Variants in PDS5A observed in about 807,000 individuals in gnomAD.
PDS5A encodes the protein PDS5 cohesin associated factor A.
A neutral mutation model predicts 167.1 loss-of-function variants in PDS5A; 42 were observed. The ratio of observed to expected loss-of-function variants is 0.25; its 90% CI spans 0.20 to 0.33. PDS5A has a LOEUF of 0.33. PDS5A is among the 10% of genes least tolerant of loss of function. The probability of loss-of-function intolerance (pLI) is 1.00; values close to 1 mark genes in which losing one functional copy is unlikely to be tolerated. For synonymous variants in PDS5A, 553 were observed against 554.6 expected (o/e 1.00, Z 0.04); for missense variants, 1,033 against 1,605.9 (o/e 0.64, Z 6.10).
intron 17 of PDS5A, among the ~76,000 whole-genome samples, chr4:39,887,879 TAACA>T (rs1453492899): frequency 6.6e-6 from 1 of 150,616 alleles, no homozygotes; most frequent in South Asian, 2.1e-4. Context: ...AATAGCAAAA[TAACA>T]AAACAAAACA....
intron 18 of PDS5A, among the ~76,000 whole-genome samples, chr4:39,878,513 C>T (rs1402608262): frequency 2.0e-5 from 3 of 151,836 alleles, no homozygotes; most frequent in Non-Finnish European, 4.4e-5. Flanking sequence ...AGGAGAATGG[C>T]GTGAACCTGG....
chr4:39,929,362 C>T (rs1157723670), intron 2 of PDS5A, among the ~76,000 whole-genome samples: 1 of 151,708 alleles, frequency 6.6e-6, no homozygotes, highest in South Asian at 2.1e-4. Context: ...GACGGCGGGA[C>T]TAGCCTCCCA....
At chr4:39,887,527 T>C (rs1284194563) in intron 17 of PDS5A, among the ~76,000 whole-genome samples, 1 of 152,174 alleles carries the variant, frequency 6.6e-6, no homozygotes, top group Non-Finnish European at 1.5e-5. Context: ...TTTGAGGATT[T>C]TTGTATCTAT....
intron 26 of PDS5A, among the ~76,000 whole-genome samples, chr4:39,853,563 C>T (rs1718292867): frequency 6.6e-6 from 1 of 152,116 alleles, no homozygotes; most frequent in South Asian, 2.1e-4. Context: ...ATGAGACTTC[C>T]TCAACTACTT....
At chr4:39,841,494 C>T (rs11723274) in intron 31 of PDS5A, among the ~76,000 whole-genome samples, 14,892 of 151,724 alleles carry the variant, frequency 0.098, 910 homozygotes, top group Middle Eastern at 0.14. Context: ...GATACCACTA[C>T]GGGTAGGTGA....
chr4:39,896,790 A>G (rs948992177), intron 16 of PDS5A, among the ~76,000 whole-genome samples: 1 of 151,264 alleles, frequency 6.6e-6, no homozygotes, highest in African/African-American at 2.4e-5. Flanking sequence ...AAGTTTTAAA[A>G]CTTTTTTTTG....
At position 39,830,961 on chromosome 4, in the gene PDS5A, C is replaced by T. The variant is rs962992113; in HGVS notation, c.4011-5473G>A. 3.3e-5 allele frequency among the ~76,000 whole-genome samples: 5 copies of T among 152,340 alleles called. No individual in the cohort carries two copies. The South Asian group carries it at 8.3e-4, about 25-fold the overall frequency. On this transcript the variant is annotated intron_variant, in intron 32 of 32. Transcript: ENST00000303538. The stretch of plus-strand genomic sequence containing the variant: ...TGCTTTTACTTACAGTTCTGCCGGG[C>T]GCAATGGCTCACGCCTATAATCCCA...
At position 39,898,493 on chromosome 4, in the gene PDS5A, C is replaced by A; in HGVS notation, c.1666G>T (p.Val556Leu). The change falls in exon 16 of 33, where the codon GTG becomes TTG. Residue 556 changes from valine (V) to leucine (L), a missense_variant. Transcript: ENST00000303538. ...CCGAGAACCTGGTTAAATTTCTTCA[C>A]AAAATCTTGTGCTTTCCCGGGGTCA... ...LPDPGKAQDF[V>L]KKFNQVLGDD... 6.3e-7 allele frequency: 1 copy of A among 1,597,176 alleles called. No homozygotes were observed. Among genetic ancestry groups the A allele is most frequent in the African/African-American group, 1.3e-5 (1 of 74,188 alleles).
chr4:39,885,689 T>G (rs1332929161), intron 17 of PDS5A, among the ~76,000 whole-genome samples: 1 of 151,618 alleles, frequency 6.6e-6, no homozygotes, highest in Non-Finnish European at 1.5e-5. Flanking sequence ...CCGAAGTGGG[T>G]GGATCGCTTA....
At chr4:39,948,930 C>T (rs1468111305) in intron 2 of PDS5A, among the ~76,000 whole-genome samples, 1 of 151,898 alleles carries the variant, frequency 6.6e-6, no homozygotes, top group African/African-American at 2.4e-5. Flanking sequence ...CAGCCCAACC[C>T]CATTTATTAT....
At chr4:39,970,600 C>G (rs2679786) in intron 2 of PDS5A, among the ~76,000 whole-genome samples, 29,415 of 151,620 alleles carry the variant, frequency 0.19, 3,399 homozygotes, top group South Asian at 0.27. Context: ...AACTATATAA[C>G]AACCAAAGTA....
Position 39,898,794 on chromosome 4 carries a change from T to C in PDS5A, c.1613A>G (p.Lys538Arg), listed in dbSNP as rs914693644. 7 of 1,590,372 alleles carry C rather than the reference T, an allele frequency of 4.4e-6. No individual in the cohort carries two copies. The highest frequency in any genetic ancestry group is 5.1e-6 in the Non-Finnish European group (6 of 1,165,626). Residue 538 changes from lysine to arginine, a missense_variant, in exon 15 of 33, where the codon AAA becomes AGA. This residue lies in a region of PDS5A where 45 missense variants were observed against 40.2 expected (regional missense o/e 1.12). Coordinates refer to ENST00000303538, the MANE Select transcript of PDS5A (RefSeq NM_001100399.2). ...SEANCSAMFG[K>R]LMTIAKNLPD... ...ATACTCACTTGCTATGGTCATCAGT[T>C]TTCCAAACATGGCAGAACAGTTAGC...
At chr4:39,922,468 A>G (rs931260132) in intron 6 of PDS5A, among the ~76,000 whole-genome samples, 154 bp downstream of exon 6, 1 of 152,250 alleles carries the variant, frequency 6.6e-6, no homozygotes, top group African/African-American at 2.4e-5. Context: ...TAAAAATAAT[A>G]GCCACAAGAC....
intron 2 of PDS5A, among the ~76,000 whole-genome samples, chr4:39,941,699 C>G (rs12507015): frequency 0.22 from 33,667 of 152,164 alleles, 4,682 homozygotes; most frequent in Middle Eastern, 0.33. Flanking sequence ...AAGTGGCTTA[C>G]TGACCAAGTT....
chr4:39,929,519 C>CTCTCTATA (rs1346928018), intron 2 of PDS5A, among the ~76,000 whole-genome samples: 2 of 79,398 alleles, frequency 2.5e-5, no homozygotes, highest in Non-Finnish European at 4.3e-5. Flanking sequence ...ACTTAATAAA[C>CTCTCTATA]TATATATATA....
intron 2 of PDS5A, among the ~76,000 whole-genome samples, chr4:39,946,321 T>TTG (rs1400783008): frequency 6.9e-6 from 1 of 145,112 alleles, no homozygotes; most frequent in African/African-American, 2.6e-5. Context: ...GCAGTGAGAG[T>TTG]TTAGAGGAAA....
At chr4:39,831,311 G>C (rs1479348851) in intron 32 of PDS5A, among the ~76,000 whole-genome samples, 1 of 152,098 alleles carries the variant, frequency 6.6e-6, no homozygotes, top group Non-Finnish European at 1.5e-5. Flanking sequence ...ATATTGGCCA[G>C]GCTGGTCTTG....
At chr4:39,889,710 A>G (rs1442217297) in intron 17 of PDS5A, among the ~76,000 whole-genome samples, 6 of 152,252 alleles carry the variant, frequency 3.9e-5, no homozygotes, top group Admixed American at 3.9e-4. Flanking sequence ...ACCTCAAATT[A>G]ACATAATCAT....
intron 2 of PDS5A, among the ~76,000 whole-genome samples, chr4:39,956,048 G>T (rs1418747360): frequency 2.6e-5 from 4 of 151,746 alleles, no homozygotes; most frequent in Non-Finnish European, 5.9e-5. Flanking sequence ...AACATGGGAG[G>T]CAGAGGTTGC....
Sources: allele counts gnomAD v4.1 joint callset (sites outside exome capture counted in the v4.1 genomes callset), GRCh38; gene constraint gnomAD v4.1.1; regional missense constraint gnomAD v4.1.1; transcripts MANE v1.5; gene names NCBI Gene and HGNC (gene_info 2026-07-23, HGNC 2026-07-21).